TNKS2: variants seen among roughly 807,000 people sequenced by gnomAD.
TNKS2 encodes poly [ADP-ribose] polymerase tankyrase-2.
TNKS2 carries 72 observed loss-of-function variants against 137.6 expected under a neutral mutation model. The ratio of observed to expected loss-of-function variants is 0.52; its 90% CI spans 0.43 to 0.64. The LOEUF (loss-of-function observed/expected upper bound fraction) is 0.64, where lower values mean the gene tolerates loss of function less well. Among genes scored for constraint, TNKS2 ranks in the 30% least tolerant of loss-of-function variants. The pLI is 0.00. For synonymous variants in TNKS2, 516 were observed against 512.1 expected (o/e 1.01, Z -0.10); for missense variants, 1,049 against 1,410.2 (o/e 0.74, Z 4.10).
intron 2 of TNKS2, among the ~76,000 whole-genome samples, chr10:91,816,732 A>G (rs1435136493): frequency 6.9e-6 from 1 of 145,414 alleles, no homozygotes; most frequent in Non-Finnish European, 1.5e-5. Context: ...TTCCCAGGCT[A>G]TCTATAGCTT....
At chr10:91,846,869 C>G (rs1277919222) in intron 18 of TNKS2, among the ~76,000 whole-genome samples, 1 of 152,132 alleles carries the variant, frequency 6.6e-6, no homozygotes, top group African/African-American at 2.4e-5. Flanking sequence ...TGACCAGATA[C>G]AATTAAGTTA....
chr10:91,852,034 C>T (rs1842551727), intron 21 of TNKS2, among the ~76,000 whole-genome samples: 1 of 151,892 alleles, frequency 6.6e-6, no homozygotes. Flanking sequence ...CCAGACCATC[C>T]TGGCTAACAT....
intron 2 of TNKS2, among the ~76,000 whole-genome samples, chr10:91,815,948 CTT>C (rs10691725): frequency 7.2e-5 from 9 of 125,138 alleles, no homozygotes; most frequent in Admixed American, 1.8e-4. Flanking sequence ...AAGACTTTCT[CTT>C]TTTTTTTTTT....
chr10:91,828,785 G>A (rs1001526733), intron 9 of TNKS2, among the ~76,000 whole-genome samples: 89 of 152,240 alleles, frequency 5.8e-4, no homozygotes, highest in African/African-American at 1.7e-3. Context: ...CCACCATCCA[G>A]ATGAAAACAC....
intron 2 of TNKS2, among the ~76,000 whole-genome samples, chr10:91,815,117 C>T (rs1844641615): frequency 6.6e-6 from 1 of 152,110 alleles, no homozygotes; most frequent in Admixed American, 6.5e-5. Context: ...ATTTTGGACT[C>T]ATTGCCACCT....
At chr10:91,798,917 C>G (rs910631483) in intron 1 of TNKS2, 28 bp downstream of exon 1, 5 of 1,344,182 alleles carry the variant, frequency 3.7e-6, no homozygotes, top group Non-Finnish European at 9.6e-7. Flanking sequence ...CCCCTCGCCT[C>G]GCTCCAGACC....
At chr10:91,830,242 G>T (rs1264530578) in intron 9 of TNKS2, among the ~76,000 whole-genome samples, 1 of 152,120 alleles carries the variant, frequency 6.6e-6, no homozygotes, top group Non-Finnish European at 1.5e-5. Context: ...TTTTGAGATG[G>T]AGTCTTGCTC....
intron 21 of TNKS2, among the ~76,000 whole-genome samples, chr10:91,853,116 A>G (rs1842599544): frequency 6.6e-6 from 1 of 152,238 alleles, no homozygotes. Flanking sequence ...TACCAGGATA[A>G]CAAGAGTCTT....
intron 14 of TNKS2, 25 bp downstream of exon 14, chr10:91,840,731 C>G: frequency 6.3e-7 from 1 of 1,589,670 alleles, no homozygotes; most frequent in Non-Finnish European, 8.6e-7. Context: ...TTGTTATGGA[C>G]TCTCTTCCTT....
In TNKS2 at chr10:91,798,500, G is replaced by T; in HGVS notation, c.-191G>T. ...CCTCCGCCGCCGCGGGGCAGCCGGG[G>T]GGCAGGGAGCCCAGCGAGGGGCGCG... On this transcript the variant is annotated 5_prime_UTR_variant, in exon 1 of 27. Transcript: ENST00000371627. 2 of 543,044 alleles carry T rather than the reference G, an allele frequency of 3.7e-6. No individual in the cohort carries two copies. The highest frequency in any genetic ancestry group is 5.3e-6 in the Non-Finnish European group (2 of 376,930). The allele number at this position is 543,044 out of a possible 1,614,324, so 33.6% of individuals were successfully genotyped here.
chr10:91,828,323 G>C lies in TNKS2; in HGVS notation c.1021G>C (p.Glu341Gln), dbSNP rs1845129870. Residue 341 changes from glutamate to glutamine, a missense_variant, in exon 9 of 27, where the codon GAA (glutamate) becomes CAA (glutamine). Glu to Gln is a conservative substitution (Grantham distance 29). Transcript: ENST00000371627. ...KGHSLLQAAR[E>Q]ADVTRIKKHL... ...CCACTCGTTGCTGCAAGCTGCACGAGAAGCTGATGTTACTCGAATCAAAAA... is the reference window on the plus strand; with the variant it reads ...CCACTCGTTGCTGCAAGCTGCACGACAAGCTGATGTTACTCGAATCAAAAA... 3 of 1,606,088 alleles carry C rather than the reference G, an allele frequency of 1.9e-6. No homozygotes were observed. The African/African-American group carries it at 4.0e-5, about 22-fold the overall frequency.
intron 3 of TNKS2, among the ~76,000 whole-genome samples, chr10:91,817,847 A>G (rs1327011111): frequency 1.3e-5 from 2 of 152,212 alleles, no homozygotes; most frequent in African/African-American, 4.8e-5. Context: ...TATCCACTTC[A>G]CATATTATCT....
intron 13 of TNKS2, among the ~76,000 whole-genome samples, chr10:91,837,404 A>G (rs1772180): frequency 0.7 from 106,284 of 152,142 alleles, 38,318 homozygotes; most frequent in East Asian, 0.91. Flanking sequence ...TCATTTCTTC[A>G]CCCCATCTAC....
intron 23 of TNKS2, among the ~76,000 whole-genome samples, chr10:91,857,040 G>A (rs1190380668): frequency 6.6e-6 from 1 of 152,122 alleles, no homozygotes; most frequent in Admixed American, 6.5e-5. Flanking sequence ...GATTAATATG[G>A]AACTCAGACA....
chr10:91,816,686 CTTT>C (rs34591746), intron 2 of TNKS2, among the ~76,000 whole-genome samples: 4 of 147,722 alleles, frequency 2.7e-5, no homozygotes, highest in African/African-American at 9.9e-5. Flanking sequence ...GTGTGATTTT[CTTT>C]TTTTTTTTTC....
At chr10:91,831,378 A>G (rs1415347687) in intron 11 of TNKS2, among the ~76,000 whole-genome samples, 197 bp downstream of exon 11, 1 of 152,136 alleles carries the variant, frequency 6.6e-6, no homozygotes, top group Non-Finnish European at 1.5e-5. Flanking sequence ...GTTTATTCAG[A>G]TACACATTCC....
In TNKS2 at chr10:91,863,272, A is replaced by G. The variant is rs868086039; in HGVS notation, c.*273A>G. 3 of 315,970 alleles carry G rather than the reference A, an allele frequency of 9.5e-6. No homozygotes were observed. Among genetic ancestry groups the G allele is most frequent in the Non-Finnish European group, 1.8e-5 (3 of 170,556 alleles). 19.6% of individuals were successfully genotyped at this position (315,970 alleles called of 1,614,324 possible). A position where few individuals can be genotyped will look rare whatever the true frequency, so the allele number is the denominator to read the frequency against. ...CTAAATTATAAACAGAGTTAACTTG[A>G]ACCTTTTATATGTTATGCATTGATT... On this transcript the variant is annotated 3_prime_UTR_variant, in exon 27 of 27. Coordinates refer to ENST00000371627, the MANE Select transcript of TNKS2 (RefSeq NM_025235.4).
At chr10:91,818,779 C>G (rs1331162232) in intron 3 of TNKS2, among the ~76,000 whole-genome samples, 6 of 152,158 alleles carry the variant, frequency 3.9e-5, no homozygotes, top group African/African-American at 1.4e-4. Context: ...GCGATCCACC[C>G]ACCTCAGCCT....
Position 91,819,522 on chromosome 10 carries a change from T to C in TNKS2, c.598T>C (p.Leu200=), listed in dbSNP as rs149386270. The C allele has an allele frequency of 9.7e-4, 1,549 of 1,596,102 alleles. 3 individuals carry two copies. The highest frequency in any genetic ancestry group is 1.2e-3 in the Non-Finnish European group (1,438 of 1,175,366). ...EEKMMALLTP[L]NVNCHASDGR... The stretch of plus-strand genomic sequence containing the variant: ...AAAAATGATGGCTCTACTCACACCA[T>C]TAAATGTCAACTGCCACGCAAGTGA... The change falls in exon 5 of 27, where the codon TTA becomes CTA. Residue 200 remains leucine, a synonymous_variant. Transcript: ENST00000371627.
Sources: gnomAD v4.1 joint callset for allele counts (sites outside exome capture counted in the v4.1 genomes callset) on GRCh38, gnomAD v4.1.1 for gene constraint, MANE v1.5 for transcripts, NCBI Gene and HGNC (gene_info 2026-07-23, HGNC 2026-07-21) for gene names.